The following PTPRD variants were observed in gnomAD, a reference collection of about 807,000 sequenced individuals.
PTPRD encodes the protein receptor-type tyrosine-protein phosphatase delta.
PTPRD carries 34 observed loss-of-function variants against 214.5 expected under a neutral mutation model. The ratio of observed to expected loss-of-function variants is 0.16; its 90% CI spans 0.12 to 0.21. The LOEUF is 0.21. Among genes scored for constraint, PTPRD ranks in the 10% least tolerant of loss-of-function variants. The pLI is 1.00. For synonymous variants in PTPRD, 1,128 were observed against 845.7 expected, an observed-to-expected ratio of 1.33 and a Z score of -5.79; for missense variants, 2,545 against 2,398.7, an observed-to-expected ratio of 1.06 and a Z score of -1.27.
intron 8 of PTPRD, among the ~76,000 whole-genome samples, chr9:9,460,526 G>A (rs1042738849): frequency 2.6e-5 from 4 of 151,954 alleles, no homozygotes; most frequent in African/African-American, 9.7e-5. Flanking sequence ...CAAAGGACAT[G>A]AACAGACACT....
intron 14 of PTPRD, among the ~76,000 whole-genome samples, chr9:8,598,055 G>C (rs749666850): frequency 6.6e-6 from 1 of 152,074 alleles, no homozygotes; most frequent in Non-Finnish European, 1.5e-5. Context: ...TTAGAGAAGA[G>C]CCAAACATAT....
chr9:9,328,197 A>C (rs147724573), intron 9 of PTPRD, among the ~76,000 whole-genome samples: 21 of 152,282 alleles, frequency 1.4e-4, no homozygotes, highest in African/African-American at 4.6e-4. Context: ...ACTTATATTT[A>C]ATATTCTATT....
chr9:10,409,008 T>C (rs77675580), intron 2 of PTPRD, among the ~76,000 whole-genome samples: 2 of 151,886 alleles, frequency 1.3e-5, no homozygotes, highest in East Asian at 3.9e-4. Context: ...AGATCAGGAA[T>C]TGTCAAGCTG....
At chr9:9,070,371 T>C (rs2099742033) in intron 10 of PTPRD, among the ~76,000 whole-genome samples, 1 of 152,190 alleles carries the variant, frequency 6.6e-6, no homozygotes, top group South Asian at 2.1e-4. Flanking sequence ...ACAGTTATAA[T>C]AAATTAATAT....
chr9:9,022,489 T>C (rs1403518568), intron 10 of PTPRD, among the ~76,000 whole-genome samples: 1 of 152,142 alleles, frequency 6.6e-6, no homozygotes, highest in Non-Finnish European at 1.5e-5. Context: ...TTGCTTACAG[T>C]ATTCAGCACA....
At chr9:9,700,431 T>C (rs1441419925) in intron 7 of PTPRD, among the ~76,000 whole-genome samples, 1 of 152,114 alleles carries the variant, frequency 6.6e-6, no homozygotes, top group Non-Finnish European at 1.5e-5. Flanking sequence ...TATTACACAG[T>C]ATTTCTAGAG....
intron 9 of PTPRD, among the ~76,000 whole-genome samples, chr9:9,364,289 T>C (rs2057217750): frequency 6.6e-6 from 1 of 151,446 alleles, no homozygotes; most frequent in African/African-American, 2.4e-5. Context: ...TTCTATACCC[T>C]GGATTACAGT....
chr9:10,199,289 T>C (rs2099410206), intron 3 of PTPRD, among the ~76,000 whole-genome samples: 1 of 152,236 alleles, frequency 6.6e-6, no homozygotes, highest in Middle Eastern at 3.4e-3. Flanking sequence ...TTCTAATATA[T>C]GACAATTCTC....
intron 2 of PTPRD, among the ~76,000 whole-genome samples, chr9:10,392,560 G>T (rs1241283020): frequency 6.6e-6 from 1 of 151,752 alleles, no homozygotes; most frequent in Non-Finnish European, 1.5e-5. Flanking sequence ...ATGTAAAAAG[G>T]AATAAAAACC....
At chr9:10,488,587 T>G (rs2099148480) in intron 2 of PTPRD, among the ~76,000 whole-genome samples, 1 of 152,072 alleles carries the variant, frequency 6.6e-6, no homozygotes, top group Admixed American at 6.6e-5. Flanking sequence ...AGGTGCTGTC[T>G]GGGAGCCAGG....
At chr9:9,868,122 A>T (rs1272241451) in intron 5 of PTPRD, among the ~76,000 whole-genome samples, 4 of 152,134 alleles carry the variant, frequency 2.6e-5, no homozygotes. Context: ...TTGGCAGTCT[A>T]TACCGCTGCT....
rs1466156467 is a variant in PTPRD at position 10,220,020 on chromosome 9, A to G, written c.-545+120943T>C. Among the ~76,000 whole-genome samples, 3 of 151,890 alleles carry G rather than the reference A, an allele frequency of 2.0e-5. No homozygotes were observed. The East Asian group carries it at 5.8e-4, about 29-fold the overall frequency. ...AAAATATAAAAATCAAAATTATAAC[A>G]AGAAGGTTTACACACACAGAATAAC... On this transcript the variant is annotated intron_variant, in intron 3 of 45. Coordinates refer to ENST00000381196, the MANE Select transcript of PTPRD (RefSeq NM_002839.4).
chr9:9,721,766 A>C (rs1406884071), intron 7 of PTPRD, among the ~76,000 whole-genome samples: 1 of 152,064 alleles, frequency 6.6e-6, no homozygotes, highest in Non-Finnish European at 1.5e-5. Flanking sequence ...CATTCAGGTC[A>C]TTTCTATGTT....
rs140915916 is a variant in PTPRD, at chr9:8,548,145, C to T, written c.353-19366G>A. Among the ~76,000 whole-genome samples the T allele has an allele frequency of 9.9e-5, 15 of 152,206 alleles. No homozygotes were observed. In the East Asian group the frequency reaches 2.9e-3, roughly 29 times the overall value. On this transcript the variant is annotated intron_variant, in intron 14 of 45. Coordinates refer to ENST00000381196, the MANE Select transcript of PTPRD (RefSeq NM_002839.4). ...AATGTAGTAAAGGGCCTTCAAGGCA[C>T]AGGGAAAAGTATAATCTAAGGTCCA...
chr9:10,444,753 G>A (rs542929233), intron 2 of PTPRD, among the ~76,000 whole-genome samples: 3 of 151,834 alleles, frequency 2.0e-5, no homozygotes, highest in East Asian at 3.9e-4. Flanking sequence ...ACAATAAAGT[G>A]TAATAAAAGT....
At chr9:9,685,242 T>G (rs573583521) in intron 7 of PTPRD, among the ~76,000 whole-genome samples, 9 of 146,930 alleles carry the variant, frequency 6.1e-5, no homozygotes, top group African/African-American at 2.3e-4. Context: ...TATTTTTGTA[T>G]AGCATATATA....
chr9:9,528,836 C>T (rs909408239), intron 8 of PTPRD, among the ~76,000 whole-genome samples: 1 of 151,566 alleles, frequency 6.6e-6, no homozygotes, highest in Admixed American at 6.6e-5. Context: ...AAAAATCCAT[C>T]ATTCAAGAAT....
intron 11 of PTPRD, among the ~76,000 whole-genome samples, chr9:8,878,237 T>C (rs893620583): frequency 7.9e-5 from 12 of 152,118 alleles, no homozygotes; most frequent in South Asian, 4.1e-4. Context: ...AGCAGGGGAA[T>C]TGGTCCACAA....
chr9:10,292,598 T>A (rs1362866110), intron 3 of PTPRD, among the ~76,000 whole-genome samples: 1 of 152,004 alleles, frequency 6.6e-6, no homozygotes, highest in Non-Finnish European at 1.5e-5. Context: ...GAACCAACTG[T>A]TATTTTTGGG....
Sources: allele counts gnomAD v4.1 joint callset (sites outside exome capture counted in the v4.1 genomes callset), GRCh38; gene constraint gnomAD v4.1.1; transcripts MANE v1.5; gene names NCBI Gene and HGNC (gene_info 2026-07-23, HGNC 2026-07-21).